Variants in GLIS3 observed in about 807,000 individuals in gnomAD.
GLIS3 encodes the protein zinc finger protein GLIS3.
A neutral mutation model predicts 78.6 loss-of-function variants in GLIS3; 53 were observed. The observed-to-expected ratio is 0.67, with a 90% CI of 0.54 to 0.85. The LOEUF is 0.85. GLIS3 is among the 40% of genes least tolerant of loss of function. The probability of loss-of-function intolerance (pLI) is 0.00; values close to 1 mark genes in which losing one functional copy is unlikely to be tolerated. For missense variants in GLIS3, 1,703 were observed against 1,231.1 expected (o/e 1.38, Z -5.74); for synonymous variants, 684 against 509.9 (o/e 1.34, Z -4.60).
the GLIS3 span, among the ~76,000 whole-genome samples, chr9:4,402,717 T>A: frequency 6.6e-6 from 1 of 152,108 alleles, no homozygotes; most frequent in East Asian, 1.9e-4. Context: ...AATAGTAGAA[T>A]TGATTAAGCA....
In GLIS3 at chr9:3,827,219, G is replaced by A. The variant is rs561482778; in HGVS notation, c.*1053C>T. The stretch of plus-strand genomic sequence containing the variant: ...CAGATGAGTGGATATCCTGAAAAAC[G>A]TTAGTAAAATCTGAGCACTGGAAGT... On this transcript the variant is annotated 3_prime_UTR_variant, in exon 11 of 11. Transcript: ENST00000381971. The A allele has an allele frequency of 1.6e-4, 24 of 152,178 alleles. No homozygotes were observed. Among genetic ancestry groups the A allele is most frequent in the Non-Finnish European group, 3.5e-4 (24 of 68,040 alleles). The allele number at this position is 152,178 out of a possible 1,614,324, so 9.4% of individuals were successfully genotyped here.
Position 3,827,929 on chromosome 9 carries a change from C to A in GLIS3, c.*343G>T, listed in dbSNP as rs1052549269. The A allele has an allele frequency of 4.6e-5, 16 of 344,234 alleles. No individual in the cohort carries two copies. The highest frequency in any genetic ancestry group is 3.0e-4 in the African/African-American group (14 of 47,186). 21.3% of individuals were successfully genotyped at this position (344,234 alleles called of 1,614,324 possible). ...TTGGAGTTTTCAGGTAGAGTCATCC[C>A]CAAACTACATTTTCATATGCACATC... On this transcript the variant is annotated 3_prime_UTR_variant, in exon 11 of 11. Coordinates refer to ENST00000381971, the MANE Select transcript of GLIS3 (RefSeq NM_001042413.2).
chr9:4,268,687 G>A (rs1458642309), intron 2 of GLIS3, among the ~76,000 whole-genome samples: 3 of 152,162 alleles, frequency 2.0e-5, no homozygotes, highest in Non-Finnish European at 4.4e-5. Context: ...AATACTCCAA[G>A]ATAGGTGGTG....
the GLIS3 span, among the ~76,000 whole-genome samples, chr9:4,472,945 T>G: frequency 6.6e-6 from 1 of 152,166 alleles, no homozygotes; most frequent in African/African-American, 2.4e-5. Flanking sequence ...TTTTAAAAAA[T>G]ACTGTTTACA....
chr9:3,989,258 G>A (rs1487353844), intron 4 of GLIS3, among the ~76,000 whole-genome samples: 2 of 152,062 alleles, frequency 1.3e-5, no homozygotes, highest in African/African-American at 2.4e-5. Flanking sequence ...CCAAATACTG[G>A]CAAAGATGTG....
chr9:4,302,824 AG>A (rs1817125014), upstream of GLIS3, among the ~76,000 whole-genome samples: 1 of 152,216 alleles, frequency 6.6e-6, no homozygotes. Context: ...TGAAGTTTGT[AG>A]GGAGTGTGGA....
At chr9:4,059,360 A>G (rs945216132) in intron 4 of GLIS3, among the ~76,000 whole-genome samples, 13 of 152,228 alleles carry the variant, frequency 8.5e-5, no homozygotes, top group African/African-American at 3.1e-4. Context: ...ACCTCTGGAG[A>G]TCTCTGCACT....
At chr9:4,192,931 G>A (rs1398414054) in intron 2 of GLIS3, among the ~76,000 whole-genome samples, 1 of 152,232 alleles carries the variant, frequency 6.6e-6, no homozygotes, top group Admixed American at 6.5e-5. Context: ...GTGTGGACAG[G>A]ATACTGCAAG....
chr9:4,269,970 C>T (rs917359114), intron 2 of GLIS3, among the ~76,000 whole-genome samples: 1 of 152,128 alleles, frequency 6.6e-6, no homozygotes, highest in Non-Finnish European at 1.5e-5. Context: ...GGCAAAAATG[C>T]CCCACAGGTG....
chr9:3,888,119 T>G (rs1041989745), intron 7 of GLIS3, among the ~76,000 whole-genome samples: 3 of 151,932 alleles, frequency 2.0e-5, no homozygotes. Context: ...TGGGGCAGAG[T>G]GGGAAGGCAG....
intron 2 of GLIS3, among the ~76,000 whole-genome samples, chr9:4,265,897 G>GTTTTTT (rs148160187): frequency 2.5e-5 from 3 of 120,694 alleles, no homozygotes; most frequent in Admixed American, 8.3e-5. Context: ...ACTCACCCTG[G>GTTTTTT]TTTTTTTTTT....
chr9:4,428,452 C>T, the GLIS3 span, among the ~76,000 whole-genome samples: 4 of 141,178 alleles, frequency 2.8e-5, no homozygotes, highest in Non-Finnish European at 4.5e-5. Flanking sequence ...GTACTGTACT[C>T]CAGCCTGGGT....
intron 9 of GLIS3, among the ~76,000 whole-genome samples, chr9:3,831,879 G>GC (rs1818064295): frequency 2.0e-5 from 3 of 151,988 alleles, no homozygotes; most frequent in Admixed American, 2.0e-4. Flanking sequence ...TGAATACAAA[G>GC]CCTAGGATCA....
Position 3,926,088 on chromosome 9 carries a change from G to A in GLIS3, c.1983+6272C>T, listed in dbSNP as rs146514260. ...CTCAATTGAGTGCCATCTCCGTTAA[G>A]GAGGACAGGCTGCAGAAAGGTGCAA... On this transcript the variant is annotated intron_variant, in intron 6 of 10. Transcript: ENST00000381971. Among the ~76,000 whole-genome samples the A allele has an allele frequency of 8.6e-3, 1,317 of 152,268 alleles. 9 individuals carry two copies. Among genetic ancestry groups the A allele is most frequent in the Non-Finnish European group, 0.013 (879 of 68,018 alleles).
intron 4 of GLIS3, among the ~76,000 whole-genome samples, chr9:4,062,152 T>C (rs1442126845): frequency 1.3e-5 from 2 of 152,240 alleles, no homozygotes; most frequent in Non-Finnish European, 2.9e-5. Context: ...GGACTGTGCG[T>C]TCTTTGACGC....
intron 4 of GLIS3, chr9:4,305,289 G>C (rs1442758209): frequency 1.3e-5 from 2 of 152,218 alleles, no homozygotes; most frequent in East Asian, 3.8e-4. Flanking sequence ...GTGGACTTTG[G>C]AATCAGAAAA....
At chr9:3,929,193 T>A (rs1027972924) in intron 6 of GLIS3, among the ~76,000 whole-genome samples, 1 of 152,198 alleles carries the variant, frequency 6.6e-6, no homozygotes, top group African/African-American at 2.4e-5. Flanking sequence ...CTTGATTTAA[T>A]GGACTCGAGA....
chr9:4,187,976 A>G (rs1310929783), intron 2 of GLIS3, among the ~76,000 whole-genome samples: 6 of 152,046 alleles, frequency 3.9e-5, no homozygotes, highest in African/African-American at 1.4e-4. Flanking sequence ...TTCCTAACTG[A>G]ATACCCTTTA....
At chr9:4,256,791 G>A (rs1290693755) in intron 2 of GLIS3, among the ~76,000 whole-genome samples, 1 of 86,872 alleles carries the variant, frequency 1.2e-5, no homozygotes, top group Non-Finnish European at 2.5e-5. Flanking sequence ...GAGTACGGAA[G>A]CTCATCAAAA....
Sources: gnomAD v4.1 joint callset for allele counts (sites outside exome capture counted in the v4.1 genomes callset) on GRCh38, gnomAD v4.1.1 for gene constraint, MANE v1.5 for transcripts, NCBI Gene and HGNC (gene_info 2026-07-23, HGNC 2026-07-21) for gene names.